CCAR1: variants seen among roughly 807,000 people sequenced by gnomAD.
CCAR1 encodes the protein cell division cycle and apoptosis regulator 1, also known as cell division cycle and apoptosis regulator protein 1.
CCAR1 carries 78 observed loss-of-function variants against 163.8 expected under a neutral mutation model. The observed-to-expected ratio is 0.48, with a 90% CI of 0.40 to 0.57. The LOEUF (loss-of-function observed/expected upper bound fraction) is 0.57. Among genes scored for constraint, CCAR1 ranks in the 20% least tolerant of loss-of-function variants. The pLI is 0.00. For synonymous variants in CCAR1, 443 were observed against 460.7 expected, an observed-to-expected ratio of 0.96 and a Z score of 0.49; for missense variants, 1,019 against 1,365.2, an observed-to-expected ratio of 0.75 and a Z score of 4.00.
chr10:68,740,763 GA>G (rs2056172175), intron 5 of CCAR1, 102 bp downstream of exon 5: 5 of 855,024 alleles, frequency 5.8e-6, no homozygotes, highest in African/African-American at 1.7e-5. Context: ...TTACTTGTTA[GA>G]TTCACCTAAT....
chr10:68,759,683 G>GTGAGCCA (rs1177170073), intron 15 of CCAR1, among the ~76,000 whole-genome samples: 1 of 151,906 alleles, frequency 6.6e-6, no homozygotes, highest in Non-Finnish European at 1.5e-5. Flanking sequence ...GCCGTGAGCT[G>GTGAGCCA]TGAGCCATGA....
intron 4 of CCAR1, among the ~76,000 whole-genome samples, chr10:68,739,529 G>A (rs1037854058): frequency 1.3e-5 from 2 of 152,096 alleles, no homozygotes; most frequent in South Asian, 2.1e-4. Flanking sequence ...TTTAATCCTC[G>A]ACTTAAGCCC....
intron 23 of CCAR1, among the ~76,000 whole-genome samples, chr10:68,789,145 G>A (rs967952527): frequency 1.3e-5 from 2 of 151,476 alleles, no homozygotes; most frequent in Non-Finnish European, 2.9e-5. Flanking sequence ...TCCTGACCTC[G>A]TGATCCGCCC....
At chr10:68,734,321 T>C (rs1047950821) in intron 2 of CCAR1, among the ~76,000 whole-genome samples, 1 of 152,070 alleles carries the variant, frequency 6.6e-6, no homozygotes, top group African/African-American at 2.4e-5. Flanking sequence ...GAGTGTTCCA[T>C]GAGCAAATAC....
At chr10:68,738,282 C>T (rs979541381) in intron 4 of CCAR1, among the ~76,000 whole-genome samples, 10 of 151,990 alleles carry the variant, frequency 6.6e-5, no homozygotes, top group Admixed American at 2.0e-4. Context: ...GGTGTGGTGG[C>T]GCAGGCCTGT....
chr10:68,722,347 A>G (rs1035169296), intron 1 of CCAR1, 108 bp from the exon 2 acceptor site: 1 of 659,726 alleles, frequency 1.5e-6, no homozygotes, highest in African/African-American at 1.8e-5. Context: ...TTCTGCTGAA[A>G]TCTGCGAAGA....
At chr10:68,744,701 G>A (rs2056229098) in intron 6 of CCAR1, among the ~76,000 whole-genome samples, 1 of 152,032 alleles carries the variant, frequency 6.6e-6, no homozygotes, top group South Asian at 2.1e-4. Flanking sequence ...GGTTATAAAA[G>A]TAAAAAATGG....
chr10:68,772,928 T>G (rs2056621197), intron 18 of CCAR1, 60 bp from the exon 19 acceptor site: 2 of 911,396 alleles, frequency 2.2e-6, no homozygotes, highest in African/African-American at 3.4e-5. Flanking sequence ...GTGGGCAATA[T>G]GGCAAAACCC....
intron 17 of CCAR1, 112 bp from the exon 18 acceptor site, chr10:68,771,094 G>T: frequency 2.3e-6 from 2 of 883,354 alleles, no homozygotes; most frequent in African/African-American, 1.7e-5. Context: ...AAAAAAGTTT[G>T]ATAAGTTTAC....
rs542351720 is a variant in CCAR1 at position 68,721,257 on chromosome 10, T to G, written c.-76T>G. The G allele has an allele frequency of 8.4e-5, 15 of 179,256 alleles. No homozygotes were observed. Among genetic ancestry groups the G allele is most frequent in the Non-Finnish European group, 1.5e-4 (12 of 82,496 alleles). The allele number at this position is 179,256 out of a possible 1,614,324, so 11.1% of individuals were successfully genotyped here. A position where few individuals can be genotyped will look rare whatever the true frequency, so the allele number is the denominator to read the frequency against. On this transcript the variant is annotated 5_prime_UTR_variant, in exon 1 of 25. Coordinates refer to ENST00000265872, the MANE Select transcript of CCAR1 (RefSeq NM_018237.4). ...TAAAGCTGACGGGTTTGAAATGGCT[T>G]CGATGTTAGCCGGGACCCGACTCAG...
At chr10:68,750,864 C>T (rs1163141) in intron 10 of CCAR1, among the ~76,000 whole-genome samples, 133,207 of 152,136 alleles carry the variant, frequency 0.88, 58,399 homozygotes, top group African/African-American at 0.9. Context: ...TATCAGAGGT[C>T]AAAATTTCCA....
At chr10:68,734,359 C>T (rs1190844014) in intron 2 of CCAR1, among the ~76,000 whole-genome samples, 3 of 151,834 alleles carry the variant, frequency 2.0e-5, no homozygotes, top group Admixed American at 6.6e-5. Context: ...TGGTTTTGTC[C>T]CCCTAGATAC....
At position 68,786,297 on chromosome 10, in the gene CCAR1, T is replaced by G. The variant is rs76564715; in HGVS notation, c.2733+79T>G. 2.6e-3 allele frequency: 2,731 copies of G among 1,045,352 alleles called. 48 individuals carry two copies. The African/African-American group carries it at 0.039, about 15-fold the overall frequency. 64.8% of individuals were successfully genotyped at this position (1,045,352 alleles called of 1,614,324 possible). On this transcript the variant is annotated intron_variant, in intron 20 of 24. Coordinates refer to ENST00000265872, the MANE Select transcript of CCAR1 (RefSeq NM_018237.4). Reference sequence around the variant, plus strand: ...AACATAACACAGTTGTGAAGTTTATTAGTCCTTATACATCTTTATTACCAC... The same window carrying G: ...AACATAACACAGTTGTGAAGTTTATGAGTCCTTATACATCTTTATTACCAC...
chr10:68,749,518 T>C lies in CCAR1; in HGVS notation c.957-6T>C, dbSNP rs184581048. 28 of 1,605,626 alleles carry C rather than the reference T, an allele frequency of 1.7e-5. No individual in the cohort carries two copies. In the African/African-American group the frequency reaches 3.2e-4, roughly 19 times the overall value. ...TATTAGTAATTTTAGAAAAATTTGC[T>C]TTCAGTCGTGAGAGAGAGAGAGAAA... is the stretch of plus-strand genomic sequence containing the variant. On this transcript the variant is annotated splice_region_variant and splice_polypyrimidine_tract_variant and intron_variant, in intron 9 of 24. Coordinates refer to ENST00000265872, the MANE Select transcript of CCAR1 (RefSeq NM_018237.4).
chr10:68,771,985 C>G (rs1477221007), intron 18 of CCAR1, among the ~76,000 whole-genome samples: 1 of 151,890 alleles, frequency 6.6e-6, no homozygotes, highest in East Asian at 2.0e-4. Context: ...GTTCTCCTGC[C>G]TCAGTCTCCC....
rs1386483312 is a variant in CCAR1, at chr10:68,754,032, G to A, written c.1299G>A (p.Met433Ile). ...HREVESLEKN[M>I]AILDPPDADH... ...AAGTAGAGTCCTTAGAAAAAAATATGGCCATTCTTGATCCACCAGATGCTG... is the reference window on the plus strand; with the variant it reads ...AAGTAGAGTCCTTAGAAAAAAATATAGCCATTCTTGATCCACCAGATGCTG... Residue 433 changes from methionine to isoleucine, a missense_variant, in exon 11 of 25, where the codon ATG (methionine) becomes ATA (isoleucine). Coordinates refer to ENST00000265872, the MANE Select transcript of CCAR1 (RefSeq NM_018237.4). 1 of 1,613,830 alleles carries A rather than the reference G, an allele frequency of 6.2e-7. No individual in the cohort carries two copies. Among genetic ancestry groups the A allele is most frequent in the Admixed American group, 1.7e-5 (1 of 60,002 alleles).
chr10:68,752,883 AATAG>A (rs36140870), intron 10 of CCAR1, among the ~76,000 whole-genome samples: 46,610 of 142,126 alleles, frequency 0.33, 7,567 homozygotes, highest in Admixed American at 0.39. Context: ...GATAGGATAG[AATAG>A]ATAGATAGAT....
chr10:68,724,090 A>G (rs1240992431), intron 2 of CCAR1, among the ~76,000 whole-genome samples: 1 of 151,200 alleles, frequency 6.6e-6, no homozygotes, highest in Non-Finnish European at 1.5e-5. Flanking sequence ...CGTGGGAGGC[A>G]GAGGTTACAG....
At chr10:68,726,576 T>A (rs2055951051) in intron 2 of CCAR1, among the ~76,000 whole-genome samples, 1 of 152,206 alleles carries the variant, frequency 6.6e-6, no homozygotes, top group Non-Finnish European at 1.5e-5. Flanking sequence ...TATTATTATT[T>A]TAAATTCTAA....
Sources: gnomAD v4.1 joint callset for allele counts (sites outside exome capture counted in the v4.1 genomes callset) on GRCh38, gnomAD v4.1.1 for gene constraint, MANE v1.5 for transcripts, NCBI Gene and HGNC (gene_info 2026-07-23, HGNC 2026-07-21) for gene names.